ATXN1: variants seen among roughly 807,000 people sequenced by gnomAD.
ATXN1 encodes ataxin 1.
Under a neutral mutation model 56.4 loss-of-function variants are expected in ATXN1, and 8 were observed. The observed-to-expected ratio is 0.14, with a 90% CI of 0.08 to 0.26. The LOEUF (loss-of-function observed/expected upper bound fraction) is 0.26, where lower values mean the gene tolerates loss of function less well. Ranked by LOEUF, ATXN1 falls within the 10% of genes least tolerant of loss-of-function variation. The pLI, the probability that ATXN1 is intolerant of heterozygous loss-of-function variation, is 1.00. For missense variants in ATXN1, 987 were observed against 1,106.5 expected (o/e 0.89, Z 1.53); for synonymous variants, 514 against 494.6 (o/e 1.04, Z -0.52).
intron 6 of ATXN1, among the ~76,000 whole-genome samples, chr6:16,405,435 C>T (rs1376187303): frequency 1.3e-5 from 2 of 152,210 alleles, no homozygotes; most frequent in Non-Finnish European, 2.9e-5. Flanking sequence ...GACATTGCTT[C>T]CCCCAAGTCC....
At chr6:16,554,078 T>G (rs904813034) in intron 4 of ATXN1, among the ~76,000 whole-genome samples, 5 of 152,226 alleles carry the variant, frequency 3.3e-5, no homozygotes, top group Non-Finnish European at 5.9e-5. Context: ...CACAGATACT[T>G]GCACCATAAA....
At chr6:16,411,141 A>AAAAAAAG (rs1554144611) in intron 6 of ATXN1, among the ~76,000 whole-genome samples, 29 of 150,696 alleles carry the variant, frequency 1.9e-4, no homozygotes, top group African/African-American at 2.9e-4. Flanking sequence ...AAAAAAAAAA[A>AAAAAAAG]AAAAGAAAAG....
chr6:16,327,091 G>A lies in ATXN1; in HGVS notation c.1220C>T (p.Pro407Leu). Residue 407 changes from proline to leucine, a missense_variant, in exon 7 of 8, where the codon CCT becomes CTT. Pro to Leu is a moderately conservative substitution (Grantham distance 98). Around this residue, in one of 3 missense-constraint regions of ATXN1, gnomAD observed 723 missense variants for 791.7 expected, o/e 0.91. Transcript: ENST00000436367. ...GCCACTTTTGTCGTTGAGGGTAGAAGGGGAGGCTTCACGATGAGTGGCCTG... is the reference window on the plus strand; with the variant it reads ...GCCACTTTTGTCGTTGAGGGTAGAAAGGGAGGCTTCACGATGAGTGGCCTG... ...VQQATHREAS[P>L]STLNDKSGLH... 3 of 1,613,834 alleles carry A rather than the reference G, an allele frequency of 1.9e-6. No individual in the cohort carries two copies. Among genetic ancestry groups the A allele is most frequent in the Middle Eastern group, 1.6e-4 (1 of 6,062 alleles).
chr6:16,722,150 A>G (rs1056339078), intron 2 of ATXN1, among the ~76,000 whole-genome samples: 12 of 152,362 alleles, frequency 7.9e-5, no homozygotes, highest in East Asian at 3.9e-4. Flanking sequence ...ACTGATGTTG[A>G]GGAAATGAAA....
chr6:16,674,418 T>C (rs1164793421), intron 2 of ATXN1, among the ~76,000 whole-genome samples: 2 of 140,574 alleles, frequency 1.4e-5, no homozygotes, highest in African/African-American at 5.3e-5. Flanking sequence ...CTCGGCTCAC[T>C]GCAACACTGC....
chr6:16,363,359 T>C (rs1476886526), intron 6 of ATXN1, among the ~76,000 whole-genome samples: 2 of 152,250 alleles, frequency 1.3e-5, no homozygotes, highest in Non-Finnish European at 2.9e-5. Flanking sequence ...TAATATCCTG[T>C]CTAGTAATAA....
At chr6:16,345,459 T>A (rs1761357539) in intron 6 of ATXN1, among the ~76,000 whole-genome samples, 1 of 152,216 alleles carries the variant, frequency 6.6e-6, no homozygotes, top group East Asian at 1.9e-4. Context: ...ACAATTTTGT[T>A]GAAACCAGCC....
intron 6 of ATXN1, among the ~76,000 whole-genome samples, chr6:16,390,943 C>T (rs886949727): frequency 6.6e-6 from 1 of 152,188 alleles, no homozygotes; most frequent in East Asian, 1.9e-4. Context: ...GGTGAACCAT[C>T]TGAGGTTGGG....
At chr6:16,518,486 G>A (rs1352330887) in intron 5 of ATXN1, among the ~76,000 whole-genome samples, 1 of 152,158 alleles carries the variant, frequency 6.6e-6, no homozygotes, top group Non-Finnish European at 1.5e-5. Flanking sequence ...AGGCTAGACT[G>A]GGGAACAGGC....
At chr6:16,657,036 T>G (rs970566370) in intron 3 of ATXN1, among the ~76,000 whole-genome samples, 29 of 144,118 alleles carry the variant, frequency 2.0e-4, no homozygotes, top group Middle Eastern at 3.7e-3. Context: ...CAGGCTGGAG[T>G]GCAGTGGTGC....
At chr6:16,541,096 G>A (rs1361443768) in intron 4 of ATXN1, among the ~76,000 whole-genome samples, 1 of 152,154 alleles carries the variant, frequency 6.6e-6, no homozygotes, top group African/African-American at 2.4e-5. Flanking sequence ...CATAGCCTCA[G>A]AATATCACAG....
chr6:16,661,583 T>A (rs1475799200), intron 2 of ATXN1, among the ~76,000 whole-genome samples: 3 of 152,210 alleles, frequency 2.0e-5, no homozygotes, highest in Admixed American at 6.5e-5. Context: ...AAAGCCTTCT[T>A]GAGTGTGGAC....
intron 7 of ATXN1, among the ~76,000 whole-genome samples, chr6:16,314,622 AT>A (rs910909802): frequency 3.3e-4 from 49 of 147,692 alleles, no homozygotes; most frequent in East Asian, 3.9e-4. Context: ...TATTATTATT[AT>A]TTTTTTTTTT....
intron 5 of ATXN1, among the ~76,000 whole-genome samples, chr6:16,500,878 T>G (rs1426341052): frequency 6.6e-6 from 1 of 151,970 alleles, no homozygotes; most frequent in African/African-American, 2.4e-5. Context: ...AAATCTCCCA[T>G]ACTTAAATAT....
At chr6:16,514,865 C>A (rs1761149401) in intron 5 of ATXN1, among the ~76,000 whole-genome samples, 1 of 151,962 alleles carries the variant, frequency 6.6e-6, no homozygotes, top group Non-Finnish European at 1.5e-5. Context: ...AGGCTGTAAT[C>A]CCAGCTACTT....
intron 2 of ATXN1, among the ~76,000 whole-genome samples, chr6:16,682,130 TA>T (rs2113402032): frequency 6.6e-6 from 1 of 152,022 alleles, no homozygotes; most frequent in African/African-American, 2.4e-5. Flanking sequence ...TCTTTCTTAT[TA>T]AAGATTCCCA....
At chr6:16,599,683 C>A (rs1341070311) in intron 3 of ATXN1, among the ~76,000 whole-genome samples, 4 of 150,892 alleles carry the variant, frequency 2.7e-5, no homozygotes, top group Non-Finnish European at 1.5e-5. Flanking sequence ...TGCACTCCAG[C>A]CTGGTGACAG....
chr6:16,717,474 T>A (rs1003903698), intron 2 of ATXN1, among the ~76,000 whole-genome samples: 7 of 152,234 alleles, frequency 4.6e-5, no homozygotes, highest in Admixed American at 2.6e-4. Flanking sequence ...TGGATCTTCC[T>A]TAGAGAGCAT....
intron 3 of ATXN1, among the ~76,000 whole-genome samples, chr6:16,611,782 G>A (rs376750430): frequency 6.6e-6 from 1 of 150,500 alleles, no homozygotes; most frequent in East Asian, 2.0e-4. Context: ...AACAGAGATT[G>A]AGAGACATGC....
Sources: gnomAD v4.1 joint callset for allele counts (sites outside exome capture counted in the v4.1 genomes callset) on GRCh38, gnomAD v4.1.1 for gene constraint, gnomAD v4.1.1 regional missense constraint, MANE v1.5 for transcripts, NCBI Gene and HGNC (gene_info 2026-07-23, HGNC 2026-07-21) for gene names.